The following SLC7A9 variants were observed in gnomAD, a reference collection of about 807,000 sequenced individuals.
SLC7A9 encodes solute carrier family 7 member 9, also known as B(0,+)-type amino acid transporter 1.
Under a neutral mutation model 54.1 loss-of-function variants are expected in SLC7A9, and 38 were observed. The ratio of observed to expected loss-of-function variants is 0.70; its 90% CI spans 0.54 to 0.92. The LOEUF is 0.92. Ranked by LOEUF, SLC7A9 falls within the 40% of genes least tolerant of loss-of-function variation. The probability of loss-of-function intolerance (pLI) is 0.00; values close to 1 mark genes in which losing one functional copy is unlikely to be tolerated. For synonymous variants in SLC7A9, 264 were observed against 258.9 expected, an observed-to-expected ratio of 1.02 and a Z score of -0.19; for missense variants, 537 against 636.1, an observed-to-expected ratio of 0.84 and a Z score of 1.68.
chr19:32,843,960 TAAC>T lies in SLC7A9; in HGVS notation c.978-12_978-10del. On this transcript the variant is annotated splice_polypyrimidine_tract_variant and intron_variant, in intron 9 of 12. Coordinates refer to ENST00000023064, the MANE Select transcript of SLC7A9 (RefSeq NM_014270.5). ...CCGCCACGTAAATGAGTCTGGAAAA[TAAC>T]GACACGGGAGTCCGCTGACCAGAGT... 3 of 1,605,180 alleles carry T rather than the reference TAAC, an allele frequency of 1.9e-6. No individual in the cohort carries two copies. The highest frequency in any genetic ancestry group is 2.6e-6 in the Non-Finnish European group (3 of 1,172,830).
At position 32,858,520 on chromosome 19, in the gene SLC7A9, A is replaced by G; in HGVS notation, c.897T>C (p.Tyr299=). 1.9e-6 allele frequency: 3 copies of G among 1,613,112 alleles called. No individual in the cohort carries two copies. Among genetic ancestry groups the G allele is most frequent in the South Asian group, 2.2e-5 (2 of 91,062 alleles). ...VAVTFGDRVL[Y]PASWIVPLFV... ...AAAGTGGAACGATCCAAGAAGCAGG[A>G]TAGAGAACACGGTCACCAAATGTCT... The change falls in exon 9 of 13, where the codon TAT becomes TAC. Residue 299 remains tyrosine, a synonymous_variant. Transcript: ENST00000023064.
chr19:32,830,788 T>C, intron 12 of SLC7A9, 104 bp from the exon 13 acceptor site: 14 of 863,812 alleles, frequency 1.6e-5, no homozygotes, highest in Non-Finnish European at 2.5e-5. Flanking sequence ...TCTTTGGTGA[T>C]GCGTCACCTA....
At chr19:32,839,142 G>T (rs1968057178) in intron 11 of SLC7A9, among the ~76,000 whole-genome samples, 1 of 152,076 alleles carries the variant, frequency 6.6e-6, no homozygotes, top group Non-Finnish European at 1.5e-5. Context: ...CATAATAGTG[G>T]CATACACTTC....
chr19:32,852,496 C>T lies in SLC7A9; in HGVS notation c.977+5944G>A, dbSNP rs1968497884. Reference sequence around the variant, plus strand: ...GCGACAGCGAGACCCTGTCTCAAAACGACGAACAAAAACCCTAAATCAAGA... The same window carrying T: ...GCGACAGCGAGACCCTGTCTCAAAATGACGAACAAAAACCCTAAATCAAGA... On this transcript the variant is annotated intron_variant, in intron 9 of 12. Coordinates refer to ENST00000023064, the MANE Select transcript of SLC7A9 (RefSeq NM_014270.5). Among the ~76,000 whole-genome samples, 7 of 151,976 alleles carry T rather than the reference C, an allele frequency of 4.6e-5. No individual in the cohort carries two copies. In the South Asian group the frequency reaches 1.5e-3, roughly 32 times the overall value.
intron 7 of SLC7A9, chr19:32,860,402 T>A: frequency 7.3e-7 from 1 of 1,361,116 alleles, no homozygotes. Flanking sequence ...ACTAAAAAAA[T>A]ACAAAAATGA....
chr19:32,848,422 G>C (rs1047747333), intron 9 of SLC7A9, among the ~76,000 whole-genome samples: 4 of 151,528 alleles, frequency 2.6e-5, no homozygotes, highest in South Asian at 4.2e-4. Context: ...AACCAACAAA[G>C]ATCAAAAGAG....
At chr19:32,839,943 T>C (rs543341881) in intron 11 of SLC7A9, among the ~76,000 whole-genome samples, 1 of 152,260 alleles carries the variant, frequency 6.6e-6, no homozygotes, top group African/African-American at 2.4e-5. Flanking sequence ...CCTCCATTTT[T>C]CCTCCCACCC....
chr19:32,864,895 G>A (rs1004237346), intron 2 of SLC7A9, 119 bp from the exon 3 acceptor site: 17 of 1,343,498 alleles, frequency 1.3e-5, no homozygotes, highest in East Asian at 4.6e-5. Flanking sequence ...TGTCCCAGGC[G>A]CTTCCACCCT....
chr19:32,839,869 G>A (rs1160655158), intron 11 of SLC7A9, among the ~76,000 whole-genome samples: 1 of 152,104 alleles, frequency 6.6e-6, no homozygotes, highest in Non-Finnish European at 1.5e-5. Context: ...TATTTTTGCT[G>A]CCAATTTTAG....
chr19:32,843,142 T>C (rs1338421919), intron 10 of SLC7A9, among the ~76,000 whole-genome samples: 3 of 152,074 alleles, frequency 2.0e-5, no homozygotes, highest in Non-Finnish European at 4.4e-5. Context: ...CCATGCACCA[T>C]GGAGAAGCTC....
Position 32,842,335 on chromosome 19 carries a change from G to T in SLC7A9, c.1075-18C>A, listed in dbSNP as rs949035963. 3 of 1,609,684 alleles carry T rather than the reference G, an allele frequency of 1.9e-6. No individual in the cohort carries two copies. Among genetic ancestry groups the T allele is most frequent in the Non-Finnish European group, 2.5e-6 (3 of 1,176,578 alleles). On this transcript the variant is annotated intron_variant, in intron 10 of 12. Transcript: ENST00000023064. ...ATGATACCCTAATAGAAAGAAGAAT[G>T]GATTTGTAGGTCATTACTACAAAAC...
chr19:32,864,413 CG>C (rs1968900836), intron 3 of SLC7A9, 75 bp from the exon 4 acceptor site: 4 of 1,596,464 alleles, frequency 2.5e-6, no homozygotes, highest in East Asian at 2.2e-5. Context: ...TTCCTCCCAC[CG>C]GAGGCTGCGC....
intron 2 of SLC7A9, 122 bp from the exon 3 acceptor site, chr19:32,864,898 T>C (rs868402291): frequency 6.8e-6 from 9 of 1,322,612 alleles, no homozygotes; most frequent in Non-Finnish European, 6.5e-6. Flanking sequence ...CCCAGGCGCT[T>C]CCACCCTGAG....
chr19:32,862,280 C>A, intron 5 of SLC7A9, 63 bp from the exon 6 acceptor site: 1 of 1,462,692 alleles, frequency 6.8e-7, no homozygotes, highest in Non-Finnish European at 9.6e-7. Context: ...TGTATCTCCA[C>A]GGGAAAGATG....
intron 9 of SLC7A9, among the ~76,000 whole-genome samples, chr19:32,857,475 A>T: frequency 6.9e-6 from 1 of 144,650 alleles, no homozygotes; most frequent in East Asian, 2.6e-4. Context: ...ATTTAAATTT[A>T]AAATTTATAA....
intron 4 of SLC7A9, chr19:32,862,810 G>A (rs560562645): frequency 2.4e-5 from 8 of 338,428 alleles, no homozygotes; most frequent in African/African-American, 8.7e-5. Context: ...TAGCTAGGAC[G>A]ACAGGTGCAC....
intron 9 of SLC7A9, among the ~76,000 whole-genome samples, chr19:32,844,408 G>A (rs1968220341): frequency 6.6e-6 from 1 of 152,126 alleles, no homozygotes; most frequent in Admixed American, 6.5e-5. Flanking sequence ...TAGAACACTA[G>A]AACCTGTTCC....
intron 11 of SLC7A9, among the ~76,000 whole-genome samples, chr19:32,838,638 TTA>T (rs1289337630): frequency 6.7e-6 from 1 of 148,346 alleles, no homozygotes; most frequent in African/African-American, 2.4e-5. Flanking sequence ...TACAACATAT[TTA>T]TATCTTATAT....
intron 12 of SLC7A9, among the ~76,000 whole-genome samples, chr19:32,832,345 G>A (rs1015599910): frequency 5.3e-5 from 8 of 152,102 alleles, no homozygotes; most frequent in African/African-American, 1.7e-4. Flanking sequence ...CCAGCACTTT[G>A]GGAGGCCGAG....
Sources: gnomAD v4.1 joint callset for allele counts (sites outside exome capture counted in the v4.1 genomes callset) on GRCh38, gnomAD v4.1.1 for gene constraint, MANE v1.5 for transcripts, NCBI Gene and HGNC (gene_info 2026-07-23, HGNC 2026-07-21) for gene names.